Variants in MS4A5 observed in about 807,000 individuals in gnomAD.
MS4A5 encodes membrane spanning 4-domains A5.
Under a neutral mutation model 18.2 loss-of-function variants are expected in MS4A5, and 15 were observed. The ratio of observed to expected loss-of-function variants is 0.83; its 90% confidence interval spans 0.55 to 1.27. The LOEUF (loss-of-function observed/expected upper bound fraction) is 1.27, where lower values mean the gene tolerates loss of function less well. Among genes scored for constraint, MS4A5 ranks in the 50% most tolerant of loss-of-function variants. MS4A5 has a pLI of 0.00. For synonymous variants in MS4A5, 89 were observed against 78.7 expected (o/e 1.13, Z -0.69); for missense variants, 232 against 225.7 (o/e 1.03, Z -0.18).
At chr11:60,443,191 G>A (rs1000742442) in intron 4 of MS4A5, among the ~76,000 whole-genome samples, 4 of 152,002 alleles carry the variant, frequency 2.6e-5, no homozygotes, top group African/African-American at 9.7e-5. Flanking sequence ...AAAAACAACT[G>A]AAAAAATTGA....
chr11:60,443,281 C>T (rs76807498), intron 4 of MS4A5, among the ~76,000 whole-genome samples: 5,443 of 151,946 alleles, frequency 0.036, 295 homozygotes, highest in East Asian at 0.28. Context: ...GAATTGAAAT[C>T]ATATACAGTA....
At chr11:60,430,651 G>GCAT (rs1466703114) in intron 1 of MS4A5, 145 bp from the exon 2 acceptor site, 8 of 848,152 alleles carry the variant, frequency 9.4e-6, no homozygotes, top group Non-Finnish European at 1.5e-5. Flanking sequence ...GTACCCAGGA[G>GCAT]CATCATAAAG....
At chr11:60,430,256 G>C (rs2086040926) in intron 1 of MS4A5, among the ~76,000 whole-genome samples, 1 of 81,156 alleles carries the variant, frequency 1.2e-5, no homozygotes, top group Non-Finnish European at 3.2e-5. Context: ...CAGAGAGGGA[G>C]AGAAAAAAAA....
chr11:60,441,525 A>C (rs192634009), intron 4 of MS4A5, among the ~76,000 whole-genome samples: 42 of 151,038 alleles, frequency 2.8e-4, no homozygotes, highest in African/African-American at 1.0e-3. Context: ...GAAACTCGAC[A>C]AAAAAAATGG....
At chr11:60,437,710 C>A (rs2086088535) in intron 4 of MS4A5, among the ~76,000 whole-genome samples, 2 of 151,636 alleles carry the variant, frequency 1.3e-5, no homozygotes, top group South Asian at 4.2e-4. Flanking sequence ...ATCAATTCAA[C>A]AAGAAGAGCT....
chr11:60,435,183 G>A (rs1303956216), intron 4 of MS4A5, among the ~76,000 whole-genome samples: 2 of 152,082 alleles, frequency 1.3e-5, no homozygotes, highest in African/African-American at 2.4e-5. Context: ...AAGCAAAACC[G>A]AAGTCTATCT....
At position 60,435,584 on chromosome 11, in the gene MS4A5, C is replaced by T. The variant is rs568441877; in HGVS notation, c.492+1667C>T. On this transcript the variant is annotated intron_variant, in intron 4 of 4. Transcript: ENST00000300190. The stretch of plus-strand genomic sequence containing the variant: ...GGTCAGTGGGTGCGTGCACCCTGCG[C>T]GAGCCGAAGCAGGGCGAGGCATTGC... 66 of 295,384 alleles carry T rather than the reference C, an allele frequency of 2.2e-4. 1 individual carries two copies. The highest frequency in any genetic ancestry group is 8.7e-4 in the African/African-American group (38 of 43,814). 18.3% of individuals were successfully genotyped at this position (295,384 alleles called of 1,614,324 possible). A position where few individuals can be genotyped will look rare whatever the true frequency, so the allele number is the denominator to read the frequency against.
At chr11:60,430,078 T>G (rs2086040112) in intron 1 of MS4A5, among the ~76,000 whole-genome samples, 1 of 152,132 alleles carries the variant, frequency 6.6e-6, no homozygotes, top group South Asian at 2.1e-4. Flanking sequence ...TGGCAGTAAA[T>G]GAGATTACTC....
intron 2 of MS4A5, among the ~76,000 whole-genome samples, chr11:60,431,267 G>C (rs1020436223): frequency 3.3e-5 from 5 of 152,164 alleles, no homozygotes; most frequent in African/African-American, 1.2e-4. Flanking sequence ...CATGTAAACA[G>C]GTCACTTCAA....
intron 1 of MS4A5, among the ~76,000 whole-genome samples, chr11:60,430,180 C>G (rs990686866): frequency 1.3e-5 from 2 of 152,048 alleles, no homozygotes; most frequent in African/African-American, 4.8e-5. Context: ...GTATATTGTC[C>G]TCATTAGTCT....
In MS4A5 at chr11:60,433,746, T is replaced by C. The variant is rs1319305161; in HGVS notation, c.340-19T>C. 1 of 1,612,022 alleles carries C rather than the reference T, an allele frequency of 6.2e-7. No individual in the cohort carries two copies. The highest frequency in any genetic ancestry group is 8.5e-7 in the Non-Finnish European group (1 of 1,178,238). The stretch of plus-strand genomic sequence containing the variant: ...AGGCTGGACCTCAGTCACATTGTTA[T>C]GTTCTTATTCTATTTCAGATAATAT... On this transcript the variant is annotated intron_variant, in intron 3 of 4. Coordinates refer to ENST00000300190, the MANE Select transcript of MS4A5 (RefSeq NM_023945.3).
chr11:60,443,351 T>C (rs1352364990), intron 4 of MS4A5, among the ~76,000 whole-genome samples: 1 of 150,144 alleles, frequency 6.7e-6, no homozygotes, highest in Non-Finnish European at 1.5e-5. Context: ...AAAAAAAAAA[T>C]CCCCAAAACT....
At chr11:60,446,806 C>T (rs533729817) in intron 4 of MS4A5, among the ~76,000 whole-genome samples, 11 of 150,848 alleles carry the variant, frequency 7.3e-5, no homozygotes, top group South Asian at 4.2e-4. Context: ...ATGTCTCTTT[C>T]GCTTTCTCTT....
chr11:60,442,893 G>C (rs1590835346), intron 4 of MS4A5, among the ~76,000 whole-genome samples: 2 of 152,224 alleles, frequency 1.3e-5, no homozygotes, highest in East Asian at 3.9e-4. Flanking sequence ...GTAATCCCAG[G>C]ACTTTGGGAG....
At chr11:60,434,866 T>G (rs935846115) in intron 4 of MS4A5, among the ~76,000 whole-genome samples, 1 of 152,202 alleles carries the variant, frequency 6.6e-6, no homozygotes, top group African/African-American at 2.4e-5. Flanking sequence ...AGGTTTCACA[T>G]CCACTCAAAG....
At chr11:60,443,747 A>G (rs2086125776) in intron 4 of MS4A5, among the ~76,000 whole-genome samples, 1 of 152,086 alleles carries the variant, frequency 6.6e-6, no homozygotes, top group Non-Finnish European at 1.5e-5. Flanking sequence ...TTTAAAAAGA[A>G]AAAAGAGAAA....
intron 4 of MS4A5, among the ~76,000 whole-genome samples, chr11:60,446,097 AAC>A (rs1424298888): frequency 5.3e-5 from 8 of 152,100 alleles, no homozygotes; most frequent in Non-Finnish European, 1.2e-4. Context: ...CAAACAAAAA[AAC>A]ACAGAAAAAA....
At position 60,429,583 on chromosome 11, in the gene MS4A5, G is replaced by A; in HGVS notation, c.-92G>A. 1.6e-6 allele frequency: 2 copies of A among 1,246,150 alleles called. No individual in the cohort carries two copies. The highest frequency in any genetic ancestry group is 2.2e-6 in the Non-Finnish European group (2 of 900,792). 77.2% of individuals were successfully genotyped at this position (1,246,150 alleles called of 1,614,324 possible). On this transcript the variant is annotated 5_prime_UTR_variant, in exon 1 of 5. In the 5' UTR this introduces an upstream ATG that the reference lacks. Coordinates refer to ENST00000300190, the MANE Select transcript of MS4A5 (RefSeq NM_023945.3). ...TTCCAAGACAAAGCAAACAATTCCAGTGCTCCAGGCAGCCTCAGCACAAGA... is the reference window on the plus strand; with the variant it reads ...TTCCAAGACAAAGCAAACAATTCCAATGCTCCAGGCAGCCTCAGCACAAGA...
chr11:60,446,732 T>C (rs2086140206), intron 4 of MS4A5, among the ~76,000 whole-genome samples: 4 of 140,790 alleles, frequency 2.8e-5, no homozygotes, highest in Middle Eastern at 3.8e-3. Flanking sequence ...AAACTCCGTC[T>C]CAAAAAAAAA....
Sources: allele counts gnomAD v4.1 joint callset (sites outside exome capture counted in the v4.1 genomes callset), GRCh38; gene constraint gnomAD v4.1.1; transcripts MANE v1.5; gene names NCBI Gene and HGNC (gene_info 2026-07-23, HGNC 2026-07-21).